DDX54: variants seen among roughly 807,000 people sequenced by gnomAD.
DDX54 encodes the protein DEAD-box helicase 54.
Under a neutral mutation model 105.5 loss-of-function variants are expected in DDX54, and 67 were observed. The ratio of observed to expected loss-of-function variants is 0.64; its 90% CI spans 0.52 to 0.78. The LOEUF is 0.78. Ranked by LOEUF, DDX54 falls within the 30% of genes least tolerant of loss-of-function variation. DDX54 has a pLI of 0.00. For missense variants in DDX54, 1,206 were observed against 1,230.5 expected (o/e 0.98, Z 0.30); for synonymous variants, 514 against 509.9 (o/e 1.01, Z -0.11).
At position 113,165,788 on chromosome 12, in the gene DDX54, G is replaced by A; in HGVS notation, c.1645+14C>T. 1 of 1,600,572 alleles carries A rather than the reference G, an allele frequency of 6.2e-7. No homozygotes were observed. Among genetic ancestry groups the A allele is most frequent in the Non-Finnish European group, 8.5e-7 (1 of 1,170,768 alleles). On this transcript the variant is annotated intron_variant, in intron 13 of 19. Coordinates refer to ENST00000306014, the MANE Select transcript of DDX54 (RefSeq NM_024072.4). ...AGGCCCACCTGCCACCCCCTGCCTT[G>A]TAGAAGGACTCACTGAAGAGGGGGT...
At chr12:113,167,305 A>T (rs2136317567) in intron 12 of DDX54, among the ~76,000 whole-genome samples, 1 of 152,284 alleles carries the variant, frequency 6.6e-6, no homozygotes, top group African/African-American at 2.4e-5. Flanking sequence ...TGAGCCTAGG[A>T]GGTCAAGGGC....
chr12:113,181,468 T>A (rs1952466870), intron 1 of DDX54, among the ~76,000 whole-genome samples: 1 of 151,326 alleles, frequency 6.6e-6, no homozygotes, highest in Non-Finnish European at 1.5e-5. Context: ...AATTTTTTTA[T>A]TTTGTATTTA....
intron 1 of DDX54, 28 bp from the exon 2 acceptor site, chr12:113,181,086 T>A (rs1260455046): frequency 2.5e-6 from 4 of 1,604,690 alleles, no homozygotes; most frequent in Non-Finnish European, 3.4e-6. Context: ...AGAGGTGGTG[T>A]CACTCCAGGC....
Position 113,165,627 on chromosome 12 carries a change from C to T in DDX54, c.1719+17G>A. 6.3e-7 allele frequency: 1 copy of T among 1,591,294 alleles called. No individual in the cohort carries two copies. Among genetic ancestry groups the T allele is most frequent in the Non-Finnish European group, 8.6e-7 (1 of 1,166,492 alleles). On this transcript the variant is annotated intron_variant, in intron 14 of 19. Transcript: ENST00000306014. ...GAGCCAGGACTCAGAGCGTGGTCTC[C>T]ACCCGGCCCCACTCACCGCCCGGGA...
rs1952243403 is a variant in DDX54, at chr12:113,164,090, C to T, written c.1915G>A (p.Glu639Lys). 4 of 1,550,252 alleles carry T rather than the reference C, an allele frequency of 2.6e-6. No homozygotes were observed. Among genetic ancestry groups the T allele is most frequent in the South Asian group, 1.2e-5 (1 of 83,998 alleles). Reference protein sequence around the residue: ...QEKQPEKEEEEEAGESVEDIF... With the variant: ...QEKQPEKEEEKEAGESVEDIF... ...ACCTCCACACTCTCTCCCGCCTCCT[C>T]CTCCTCCTCCTTCTCAGGCTGCTTC... The change falls in exon 15 of 20, where the codon GAG becomes AAG. Residue 639 changes from glutamate (E) to lysine (K), a missense_variant. Physicochemically the swap from Glu to Lys is moderately conservative, Grantham distance 56. Around this residue, in one of 3 missense-constraint regions of DDX54, gnomAD observed 961 missense variants for 1,019.1 expected, o/e 0.94. Transcript: ENST00000306014.
chr12:113,170,161 C>T (rs1222138419), intron 11 of DDX54, among the ~76,000 whole-genome samples: 1 of 152,234 alleles, frequency 6.6e-6, no homozygotes, highest in African/African-American at 2.4e-5. Context: ...CAAAACTCTT[C>T]AGTGTCCCCA....
At chr12:113,167,834 C>A (rs1952294060) in intron 12 of DDX54, 2 of 390,670 alleles carry the variant, frequency 5.1e-6, no homozygotes, top group African/African-American at 2.2e-5. Flanking sequence ...GGCTGCAGAT[C>A]TGTAGAGCCT....
chr12:113,160,247 C>G (rs538451793), intron 19 of DDX54, among the ~76,000 whole-genome samples: 1 of 152,114 alleles, frequency 6.6e-6, no homozygotes, highest in Non-Finnish European at 1.5e-5. Flanking sequence ...ACAGAGACAC[C>G]CAGGGGAGGC....
chr12:113,173,160 C>T (rs905709222), intron 10 of DDX54, among the ~76,000 whole-genome samples: 8 of 152,096 alleles, frequency 5.3e-5, no homozygotes, highest in Admixed American at 5.2e-4. Flanking sequence ...GGTAACACAG[C>T]AAGACACCAT....
chr12:113,179,909 C>T (rs780848766), intron 3 of DDX54, 26 bp downstream of exon 3: 19 of 1,613,790 alleles, frequency 1.2e-5, no homozygotes, highest in Non-Finnish European at 1.7e-6. Flanking sequence ...CCCTCGCCCT[C>T]ACCCGTCGAC....
intron 7 of DDX54, among the ~76,000 whole-genome samples, chr12:113,175,997 TCCCCCTCCCCACTTCCCCCACAA>T (rs1164783211): frequency 2.4e-4 from 31 of 128,318 alleles, no homozygotes; most frequent in South Asian, 2.0e-3. Flanking sequence ...TTCCCCCACA[TCCCCCTCCCCACTTCCCCCACAA>T]CCCCCTCCCC....
chr12:113,161,844 G>A (rs767475342), intron 18 of DDX54, 49 bp downstream of exon 18: 2 of 1,335,602 alleles, frequency 1.5e-6, no homozygotes, highest in Non-Finnish European at 1.0e-6. Context: ...AGCTGCTCCT[G>A]CTGAAGCTCC....
Position 113,174,914 on chromosome 12 carries a change from G to T in DDX54, c.897C>A (p.Ile299=), listed in dbSNP as rs200946691. 4 of 1,613,672 alleles carry T rather than the reference G, an allele frequency of 2.5e-6. No homozygotes were observed. The Admixed American group carries it at 5.0e-5, about 20-fold the overall frequency. The change falls in exon 9 of 20, where the codon ATC becomes ATA. Residue 299 remains isoleucine, a synonymous_variant. Transcript: ENST00000306014. ...ARAGLTEPVL[I]RLDVDTKLNE... is the part of the protein sequence containing the mutation. ...TGAGCTTGGTATCCACGTCAAGCCG[G>T]ATGAGCACGGGCTCCGTGAGGCCTG... is the stretch of plus-strand genomic sequence containing the variant.
At position 113,159,071 on chromosome 12, in the gene DDX54, G is replaced by T. The variant is rs772730940; in HGVS notation, c.2452C>A (p.Arg818=). The change falls in exon 20 of 20, where the codon CGA becomes AGA. Residue 818 remains arginine, a synonymous_variant. Transcript: ENST00000306014. ...TTGGTCTTGAGTTCCGGGCGGACTC[G>T]GCCTGCAGGGGTGCCTGGGGCGTGG... is the stretch of plus-strand genomic sequence containing the variant. ...RPHAPGTPAG[R]VRPELKTKQQ... is the part of the protein sequence containing the mutation. The T allele has an allele frequency of 3.7e-6, 6 of 1,607,642 alleles. No homozygotes were observed. The highest frequency in any genetic ancestry group is 1.1e-5 in the South Asian group (1 of 90,214).
At chr12:113,168,065 C>G in intron 12 of DDX54, 1 of 417,426 alleles carries the variant, frequency 2.4e-6, no homozygotes, top group South Asian at 1.7e-5. Flanking sequence ...GCCTCCACCT[C>G]CAGTGACTGC....
At chr12:113,180,081 A>G in intron 2 of DDX54, 76 bp from the exon 3 acceptor site, 17 of 1,353,554 alleles carry the variant, frequency 1.3e-5, no homozygotes, top group Non-Finnish European at 1.7e-5. Flanking sequence ...TACAGGACAA[A>G]TGACAGCTTC....
At chr12:113,162,339 C>T (rs1018868524) in intron 17 of DDX54, among the ~76,000 whole-genome samples, 4 of 152,290 alleles carry the variant, frequency 2.6e-5, no homozygotes, top group South Asian at 4.1e-4. Context: ...ACTCTCCAGA[C>T]GCTAGAGTCC....
chr12:113,176,059 T>C (rs2136323518), intron 7 of DDX54, among the ~76,000 whole-genome samples: 1 of 150,970 alleles, frequency 6.6e-6, no homozygotes, highest in South Asian at 2.1e-4. Context: ...TCCAAGTACT[T>C]TACAAGTATC....
Position 113,163,065 on chromosome 12 carries a change from G to T in DDX54, c.2082-20C>A, listed in dbSNP as rs1952229673. On this transcript the variant is annotated intron_variant, in intron 16 of 19. Transcript: ENST00000306014. The surrounding 1 kb of genome is among the most constrained non-coding windows in gnomAD (Gnocchi z 5.9). ...CTCAGGCTGCAGAGGGAGAGTGGGA[G>T]ACATAATTGGATTGATGGGACCCAG... The T allele has an allele frequency of 5.6e-6, 9 of 1,608,942 alleles. No individual in the cohort carries two copies. The highest frequency in any genetic ancestry group is 6.8e-6 in the Non-Finnish European group (8 of 1,178,794).
Sources: allele counts gnomAD v4.1 joint callset (sites outside exome capture counted in the v4.1 genomes callset), GRCh38; gene constraint gnomAD v4.1.1; regional missense constraint gnomAD v4.1.1; non-coding constraint Gnocchi (gnomAD v3.1); transcripts MANE v1.5; gene names NCBI Gene and HGNC (gene_info 2026-07-23, HGNC 2026-07-21).